Variants in UACA observed in about 807,000 individuals in gnomAD.
UACA encodes nuclear membrane binding protein.
In UACA, 112 loss-of-function variants were observed where a neutral mutation model predicts 160.5. The observed-to-expected ratio is 0.70, with a 90% CI of 0.60 to 0.82. UACA has a LOEUF of 0.82. Ranked by LOEUF, UACA falls within the 40% of genes least tolerant of loss-of-function variation. UACA has a pLI of 0.00. For synonymous variants in UACA, 557 were observed against 568.4 expected (o/e 0.98, Z 0.29); for missense variants, 1,574 against 1,614.6 (o/e 0.97, Z 0.43).
intron 2 of UACA, among the ~76,000 whole-genome samples, chr15:70,695,415 C>G (rs1898095390): frequency 6.6e-6 from 1 of 151,668 alleles, no homozygotes. Context: ...AAAAGCATTG[C>G]TGCTTGGATC....
intron 1 of UACA, chr15:70,702,453 C>G (rs1473540414): frequency 2.7e-6 from 1 of 368,600 alleles, no homozygotes; most frequent in Non-Finnish European, 3.8e-6. Context: ...TGCTTTTCCT[C>G]TGAGTAATAA....
chr15:70,686,686 TTTTTATAC>T (rs1897736711), intron 7 of UACA, among the ~76,000 whole-genome samples: 1 of 152,022 alleles, frequency 6.6e-6, no homozygotes, highest in Non-Finnish European at 1.5e-5. Context: ...TAAAGACTAT[TTTTTATAC>T]TTTTATACTT....
intron 9 of UACA, 115 bp from the exon 10 acceptor site, chr15:70,679,791 G>T (rs984376378): frequency 1.4e-5 from 8 of 576,966 alleles, no homozygotes; most frequent in African/African-American, 9.7e-5. Flanking sequence ...AACATTAGCT[G>T]CACATAACAC....
At chr15:70,686,598 C>T (rs1055856978) in intron 7 of UACA, among the ~76,000 whole-genome samples, 2 of 149,156 alleles carry the variant, frequency 1.3e-5, no homozygotes, top group African/African-American at 2.5e-5. Flanking sequence ...CCCATTAACT[C>T]GTCATTTAGC....
chr15:70,687,923 T>C (rs1240521921), intron 5 of UACA, 103 bp from the exon 6 acceptor site: 4 of 1,114,112 alleles, frequency 3.6e-6, no homozygotes, highest in African/African-American at 3.1e-5. Context: ...ATTTCTAAAT[T>C]ACCAAGCTTC....
At chr15:70,723,878 C>T (rs529907275) in intron 1 of UACA, among the ~76,000 whole-genome samples, 42 of 152,228 alleles carry the variant, frequency 2.8e-4, no homozygotes, top group African/African-American at 9.4e-4. Flanking sequence ...ATGATCCACC[C>T]GCCTCGGCCT....
chr15:70,674,900 A>G (rs1278621966), intron 13 of UACA, among the ~76,000 whole-genome samples: 4 of 152,172 alleles, frequency 2.6e-5, no homozygotes, highest in Non-Finnish European at 5.9e-5. Flanking sequence ...CGCCTGGCCT[A>G]TACCTTACAC....
chr15:70,749,397 G>T (rs1899813517), intron 1 of UACA: 1 of 185,854 alleles, frequency 5.4e-6, no homozygotes, highest in African/African-American at 2.4e-5. Context: ...GCGGTGGCGG[G>T]CGCCTGTAGT....
chr15:70,691,251 G>A, intron 4 of UACA, 48 bp downstream of exon 4: 1 of 1,330,834 alleles, frequency 7.5e-7, no homozygotes, highest in Non-Finnish European at 1.1e-6. Flanking sequence ...GTACATCTAT[G>A]ATTTGTTGTC....
rs768163130 is a variant in UACA at position 70,687,838 on chromosome 15, A to G, written c.425-18T>C. The G allele has an allele frequency of 6.2e-7, 1 of 1,611,532 alleles. No individual in the cohort carries two copies. The highest frequency in any genetic ancestry group is 8.5e-7 in the Non-Finnish European group (1 of 1,178,020). On this transcript the variant is annotated intron_variant, in intron 5 of 18. Transcript: ENST00000322954. ...TGCCATTGCTTTAAGGAACAAAAGA[A>G]AATGATAAATGGTGAACATCTGTTG...
intron 18 of UACA, among the ~76,000 whole-genome samples, chr15:70,657,681 A>C (rs891092578): frequency 2.0e-4 from 31 of 152,292 alleles, no homozygotes; most frequent in African/African-American, 6.3e-4. Context: ...TCTCTTTTTT[A>C]ATAACAGCCT....
At chr15:70,697,872 G>C (rs1425754449) in intron 2 of UACA, among the ~76,000 whole-genome samples, 1 of 152,012 alleles carries the variant, frequency 6.6e-6, no homozygotes, top group Non-Finnish European at 1.5e-5. Context: ...CCAACATGAA[G>C]AAACCCCGTT....
the UACA span, among the ~76,000 whole-genome samples, chr15:70,770,396 T>C: frequency 1.3e-5 from 2 of 152,238 alleles, no homozygotes; most frequent in Admixed American, 6.5e-5. Flanking sequence ...TCCACTCTTA[T>C]GTCTTCATGG....
chr15:70,672,770 G>A (rs1329721532), intron 13 of UACA, among the ~76,000 whole-genome samples: 1 of 152,066 alleles, frequency 6.6e-6, no homozygotes, highest in Non-Finnish European at 1.5e-5. Flanking sequence ...ACCAGCCTAG[G>A]CAACGTGGTG....
rs935302904 is a variant in UACA at position 70,675,545 on chromosome 15, C to T, written c.1131+948G>A. On this transcript the variant is annotated intron_variant, in intron 13 of 18. Transcript: ENST00000322954. ...TACTCAGTAACCCCTCACCAAACGGCGGTCTCTATTCTAATCTCTAACATC... is the reference window on the plus strand; with the variant it reads ...TACTCAGTAACCCCTCACCAAACGGTGGTCTCTATTCTAATCTCTAACATC... 3.3e-5 allele frequency among the ~76,000 whole-genome samples: 5 copies of T among 152,194 alleles called. No homozygotes were observed. In the East Asian group the frequency reaches 5.8e-4, roughly 18 times the overall value.
chr15:70,683,967 T>A (rs1212862648), intron 8 of UACA, among the ~76,000 whole-genome samples: 1 of 151,164 alleles, frequency 6.6e-6, no homozygotes, highest in Non-Finnish European at 1.5e-5. Context: ...TCACCCCTCT[T>A]CATCAAAAAA....
chr15:70,762,842 G>A (rs2141021667), intron 1 of UACA, among the ~76,000 whole-genome samples: 1 of 152,370 alleles, frequency 6.6e-6, no homozygotes. Context: ...ACCCGGGGAA[G>A]GTCCGGAGTC....
intron 1 of UACA, among the ~76,000 whole-genome samples, chr15:70,700,244 C>CT (rs1566982484): frequency 6.7e-6 from 1 of 148,188 alleles, no homozygotes; most frequent in Non-Finnish European, 1.5e-5. Flanking sequence ...CTACCCCCCC[C>CT]CAACACAGAC....
chr15:70,738,499 T>C (rs895956987), intron 1 of UACA, among the ~76,000 whole-genome samples: 4 of 152,120 alleles, frequency 2.6e-5, no homozygotes, highest in African/African-American at 9.7e-5. Flanking sequence ...TTATTTAGAT[T>C]GGCATTCAAA....
Sources: allele counts gnomAD v4.1 joint callset (sites outside exome capture counted in the v4.1 genomes callset), GRCh38; gene constraint gnomAD v4.1.1; transcripts MANE v1.5; gene names NCBI Gene and HGNC (gene_info 2026-07-23, HGNC 2026-07-21).